The following ZNF423 variants were observed in gnomAD, a reference collection of about 807,000 sequenced individuals.
ZNF423 encodes the protein Ebf-associated zinc finger protein.
In ZNF423, 12 loss-of-function variants were observed where a neutral mutation model predicts 95.8. The observed-to-expected ratio is 0.13, with a 90% CI of 0.08 to 0.20. The LOEUF is 0.20. ZNF423 is among the 10% of genes least tolerant of loss of function. The pLI is 1.00. For missense variants in ZNF423, 1,316 were observed against 1,737.1 expected (o/e 0.76, Z 4.31); for synonymous variants, 749 against 711.9 (o/e 1.05, Z -0.83).
At chr16:49,746,695 C>T (rs1287704600) in intron 2 of ZNF423, among the ~76,000 whole-genome samples, 3 of 152,168 alleles carry the variant, frequency 2.0e-5, no homozygotes, top group Admixed American at 6.5e-5. Flanking sequence ...AGGTCTGGAA[C>T]TCCTGACCTC....
intron 1 of ZNF423, among the ~76,000 whole-genome samples, chr16:49,830,273 C>T (rs1344662876): frequency 6.6e-6 from 1 of 152,078 alleles, no homozygotes; most frequent in African/African-American, 2.4e-5. Context: ...CGGCACAGTC[C>T]TAGGACATGA....
At chr16:49,657,991 C>CA (rs1431656769) in intron 3 of ZNF423, among the ~76,000 whole-genome samples, 1 of 152,242 alleles carries the variant, frequency 6.6e-6, no homozygotes, top group Non-Finnish European at 1.5e-5. Context: ...CTTGTCCTTT[C>CA]AACGACCTCA....
intron 2 of ZNF423, among the ~76,000 whole-genome samples, chr16:49,750,834 C>A (rs775245527): frequency 4.6e-5 from 7 of 152,316 alleles, no homozygotes; most frequent in South Asian, 4.1e-4. Flanking sequence ...GAGAGCCTCA[C>A]TGAGGAAGCA....
intron 1 of ZNF423, among the ~76,000 whole-genome samples, chr16:49,815,866 CAAACA>C (rs370357224): frequency 0.22 from 12,560 of 57,832 alleles, 1,637 homozygotes; most frequent in Admixed American, 0.27. Context: ...TAATTCCAAA[CAAACA>C]AAAAAAAAAA....
At chr16:49,774,189 G>A (rs930679927) in intron 2 of ZNF423, among the ~76,000 whole-genome samples, 3 of 152,148 alleles carry the variant, frequency 2.0e-5, no homozygotes, top group Admixed American at 1.3e-4. Context: ...ATCCCAGGCT[G>A]GCCACCTCTC....
Position 49,538,525 on chromosome 16 carries a change from A to T in ZNF423, c.3602-13031T>A, listed in dbSNP as rs1213003361. Among the ~76,000 whole-genome samples the T allele has an allele frequency of 2.6e-5, 4 of 152,156 alleles. No individual in the cohort carries two copies. The East Asian group carries it at 7.7e-4, about 29-fold the overall frequency. On this transcript the variant is annotated intron_variant, in intron 5 of 7. Coordinates refer to ENST00000563137, the MANE Select transcript of ZNF423 (RefSeq NM_001379286.1). ...GCCTGGATAATCCTCCCCAGGCTCCACAGCCATCATTTCCCTCTCCTGCTC... is the reference window on the plus strand; with the variant it reads ...GCCTGGATAATCCTCCCCAGGCTCCTCAGCCATCATTTCCCTCTCCTGCTC...
intron 5 of ZNF423, among the ~76,000 whole-genome samples, chr16:49,600,687 G>A (rs996800402): frequency 1.1e-4 from 16 of 152,226 alleles, no homozygotes; most frequent in African/African-American, 1.7e-4. Context: ...TTTATTACCC[G>A]CCAGCGGCAA....
intron 3 of ZNF423, among the ~76,000 whole-genome samples, chr16:49,697,365 T>C (rs150075278): frequency 6.6e-6 from 1 of 152,206 alleles, no homozygotes; most frequent in African/African-American, 2.4e-5. Flanking sequence ...TAAAAGTCCC[T>C]CTGGCTTATC....
intron 2 of ZNF423, among the ~76,000 whole-genome samples, chr16:49,763,988 G>A (rs963766873): frequency 2.2e-4 from 34 of 152,160 alleles, no homozygotes; most frequent in Admixed American, 3.9e-4. Flanking sequence ...AAAGTCTCAC[G>A]GCTGAGGCAG....
intron 2 of ZNF423, chr16:49,731,222 G>A (rs2292156): frequency 1.6e-5 from 11 of 697,932 alleles, no homozygotes; most frequent in South Asian, 6.4e-5. Context: ...CTCTGTGCAC[G>A]GATGCTGGGG....
At chr16:49,568,634 G>C (rs943627923) in intron 5 of ZNF423, among the ~76,000 whole-genome samples, 9 of 152,092 alleles carry the variant, frequency 5.9e-5, no homozygotes, top group African/African-American at 2.2e-4. Flanking sequence ...CACAGTATTA[G>C]TACATCGATG....
At chr16:49,769,262 G>A (rs889494954) in intron 2 of ZNF423, among the ~76,000 whole-genome samples, 7 of 151,912 alleles carry the variant, frequency 4.6e-5, no homozygotes, top group African/African-American at 1.7e-4. Flanking sequence ...GGCTGAGGCA[G>A]GAGAATCACT....
chr16:49,553,398 G>A (rs1311039628), intron 5 of ZNF423, among the ~76,000 whole-genome samples: 1 of 152,054 alleles, frequency 6.6e-6, no homozygotes, highest in Non-Finnish European at 1.5e-5. Flanking sequence ...ATAGGCTGGA[G>A]TGCAATAATG....
In ZNF423 at chr16:49,636,980, C is replaced by G; in HGVS notation, c.2196G>C (p.Leu732=). ...MHTFVLYHCT[L]CQEVFDSKVS... ...CCTTGGAGTCGAAGACCTCCTGACA[C>G]AGGGTGCAGTGGTACAACACAAAGG... The change falls in exon 4 of 8, where the codon CTG becomes CTC. Residue 732 remains leucine, a synonymous_variant. Coordinates refer to ENST00000563137, the MANE Select transcript of ZNF423 (RefSeq NM_001379286.1). The surrounding 1 kb of genome is among the most constrained non-coding windows in gnomAD (Gnocchi z 8.6). 6.2e-7 allele frequency: 1 copy of G among 1,613,824 alleles called. No individual in the cohort carries two copies. The highest frequency in any genetic ancestry group is 8.5e-7 in the Non-Finnish European group (1 of 1,179,968).
intron 5 of ZNF423, among the ~76,000 whole-genome samples, chr16:49,577,216 G>C (rs538435411): frequency 2.7e-4 from 41 of 152,260 alleles, no homozygotes; most frequent in African/African-American, 9.4e-4. Flanking sequence ...TGTAGGAAAA[G>C]AAATCAACCA....
At chr16:49,771,276 C>T (rs966340801) in intron 2 of ZNF423, among the ~76,000 whole-genome samples, 2 of 142,246 alleles carry the variant, frequency 1.4e-5, no homozygotes, top group African/African-American at 5.2e-5. Flanking sequence ...GATCTCAGCT[C>T]ACTGCAACCT....
intron 2 of ZNF423, among the ~76,000 whole-genome samples, chr16:49,771,201 T>C (rs1162690377): frequency 7.1e-6 from 1 of 141,420 alleles, no homozygotes; most frequent in Non-Finnish European, 1.5e-5. Flanking sequence ...TCTTTTTTTT[T>C]TTTTTTTTTT....
chr16:49,740,437 T>C (rs1202812506), intron 2 of ZNF423, among the ~76,000 whole-genome samples: 2 of 152,208 alleles, frequency 1.3e-5, no homozygotes, highest in Non-Finnish European at 2.9e-5. Flanking sequence ...TGTGCATCCA[T>C]TGCTGGCCCC....
chr16:49,854,343 G>C (rs2035333476), intron 1 of ZNF423: 1 of 985,410 alleles, frequency 1.0e-6, no homozygotes, highest in Non-Finnish European at 1.2e-6. Flanking sequence ...AGTCCCTCCG[G>C]GGACTTCAGG....
Sources: allele counts gnomAD v4.1 joint callset (sites outside exome capture counted in the v4.1 genomes callset), GRCh38; gene constraint gnomAD v4.1.1; non-coding constraint Gnocchi (gnomAD v3.1); transcripts MANE v1.5; gene names NCBI Gene and HGNC (gene_info 2026-07-23, HGNC 2026-07-21).